The following PTPRD variants were observed in gnomAD, a reference collection of about 807,000 sequenced individuals.
PTPRD encodes the protein protein tyrosine phosphatase receptor type D.
In PTPRD, 34 loss-of-function variants were observed where a neutral mutation model predicts 214.5. The ratio of observed to expected loss-of-function variants is 0.16; its 90% CI spans 0.12 to 0.21. PTPRD has a LOEUF of 0.21. PTPRD is among the 10% of genes least tolerant of loss of function. The pLI is 1.00. For missense variants in PTPRD, 2,545 were observed against 2,398.7 expected, an observed-to-expected ratio of 1.06 and a Z score of -1.27; for synonymous variants, 1,128 against 845.7, an observed-to-expected ratio of 1.33 and a Z score of -5.79.
intron 5 of PTPRD, among the ~76,000 whole-genome samples, chr9:9,831,936 C>T (rs1042601029): frequency 2.6e-5 from 4 of 151,864 alleles, no homozygotes; most frequent in South Asian, 2.1e-4. Context: ...TGGACCCAAC[C>T]GCGAATCTCA....
chr9:9,484,321 T>C (rs146916306), intron 8 of PTPRD, among the ~76,000 whole-genome samples: 1 of 152,212 alleles, frequency 6.6e-6, no homozygotes, highest in African/African-American at 2.4e-5. Context: ...TATTTTAGGA[T>C]TCCAGTTATA....
chr9:9,925,399 G>A (rs567122614), intron 5 of PTPRD, among the ~76,000 whole-genome samples: 10 of 152,162 alleles, frequency 6.6e-5, no homozygotes, highest in African/African-American at 2.2e-4. Flanking sequence ...GGTGACTGCT[G>A]AATGTTTGGT....
intron 14 of PTPRD, among the ~76,000 whole-genome samples, chr9:8,568,619 T>C (rs988696624): frequency 6.6e-6 from 1 of 152,116 alleles, no homozygotes; most frequent in African/African-American, 2.4e-5. Context: ...ATGTGTCTGG[T>C]AGATTTAATT....
intron 8 of PTPRD, among the ~76,000 whole-genome samples, chr9:9,524,638 C>T (rs905667223): frequency 2.6e-5 from 4 of 152,150 alleles, no homozygotes; most frequent in Admixed American, 2.0e-4. Context: ...ATATTGGTCT[C>T]AGATCTATGA....
chr9:9,198,749 T>C lies in PTPRD; in HGVS notation c.-202-15386A>G, dbSNP rs2099940144. On this transcript the variant is annotated intron_variant, in intron 9 of 45. Coordinates refer to ENST00000381196, the MANE Select transcript of PTPRD (RefSeq NM_002839.4). Reference sequence around the variant, plus strand: ...CCTTATGATTCCCTTGGGTTAAGAGTGTCCATAATCAGTGTCTTACCTTAA... The same window carrying C: ...CCTTATGATTCCCTTGGGTTAAGAGCGTCCATAATCAGTGTCTTACCTTAA... Among the ~76,000 whole-genome samples the C allele has an allele frequency of 1.3e-5, 2 of 152,130 alleles. 1 individual carries two copies. The highest frequency in any genetic ancestry group is 4.1e-4 in the South Asian group (2 of 4,828).
chr9:8,589,048 A>T (rs1444676937), intron 14 of PTPRD, among the ~76,000 whole-genome samples: 1 of 152,246 alleles, frequency 6.6e-6, no homozygotes, highest in Non-Finnish European at 1.5e-5. Context: ...AACTAAAAAT[A>T]AATAGGAAAG....
intron 4 of PTPRD, among the ~76,000 whole-genome samples, chr9:9,943,621 G>C (rs2092024629): frequency 6.8e-6 from 1 of 146,318 alleles, no homozygotes; most frequent in Non-Finnish European, 1.5e-5. Flanking sequence ...GTTTGTGGCT[G>C]TTAGATGGCG....
chr9:8,806,127 G>A (rs2096674058), intron 11 of PTPRD, among the ~76,000 whole-genome samples: 1 of 151,410 alleles, frequency 6.6e-6, no homozygotes, highest in South Asian at 2.1e-4. Flanking sequence ...GTTTCATCAT[G>A]TTGGCCAGGC....
At chr9:10,547,136 T>A (rs189824097) in intron 2 of PTPRD, among the ~76,000 whole-genome samples, 12 of 152,202 alleles carry the variant, frequency 7.9e-5, no homozygotes, top group African/African-American at 2.2e-4. Flanking sequence ...CATACCTCAA[T>A]ATCAACAGAA....
intron 34 of PTPRD, among the ~76,000 whole-genome samples, chr9:8,440,084 A>C (rs1301978247): frequency 6.6e-6 from 1 of 151,376 alleles, no homozygotes; most frequent in African/African-American, 2.4e-5. Context: ...TGGGGGGCCT[A>C]TAACTCCATT....
chr9:9,407,670 T>C (rs1462142152), intron 8 of PTPRD, among the ~76,000 whole-genome samples: 1 of 151,814 alleles, frequency 6.6e-6, no homozygotes, highest in Non-Finnish European at 1.5e-5. Context: ...GTCTTCACGC[T>C]GCTAAGACTC....
chr9:8,457,877 A>G (rs2096262409), intron 33 of PTPRD, among the ~76,000 whole-genome samples: 1 of 152,116 alleles, frequency 6.6e-6, no homozygotes, highest in Admixed American at 6.6e-5. Flanking sequence ...GAGGGAATGG[A>G]CTATTTATTA....
intron 9 of PTPRD, among the ~76,000 whole-genome samples, chr9:9,184,552 T>C (rs1246433066): frequency 2.6e-5 from 4 of 152,200 alleles, no homozygotes; most frequent in Non-Finnish European, 5.9e-5. Context: ...ATTCGTCACC[T>C]CACCCTGACT....
intron 9 of PTPRD, among the ~76,000 whole-genome samples, chr9:9,227,260 C>T (rs1041652717): frequency 3.3e-5 from 5 of 152,070 alleles, no homozygotes; most frequent in African/African-American, 1.2e-4. Flanking sequence ...ATACACATCA[C>T]AACCCTTCTA....
At chr9:10,543,523 C>T (rs1458158109) in intron 2 of PTPRD, among the ~76,000 whole-genome samples, 1 of 145,462 alleles carries the variant, frequency 6.9e-6, no homozygotes, top group East Asian at 1.9e-4. Context: ...CACACACGTA[C>T]ACACACACAC....
At chr9:9,695,348 C>G (rs916052245) in intron 7 of PTPRD, among the ~76,000 whole-genome samples, 2 of 152,144 alleles carry the variant, frequency 1.3e-5, no homozygotes, top group South Asian at 2.1e-4. Flanking sequence ...TCACTCTCCT[C>G]TTTTTAAGCA....
chr9:8,345,004 A>G (rs967246265), intron 39 of PTPRD, among the ~76,000 whole-genome samples: 1 of 151,574 alleles, frequency 6.6e-6, no homozygotes, highest in Non-Finnish European at 1.5e-5. Flanking sequence ...AAGCAATGTA[A>G]TGCTGGGAAA....
chr9:9,358,291 C>A (rs927155001), intron 9 of PTPRD, among the ~76,000 whole-genome samples: 6 of 151,090 alleles, frequency 4.0e-5, no homozygotes, highest in Non-Finnish European at 7.4e-5. Flanking sequence ...ATGCTATTTG[C>A]TTATTACTTT....
chr9:8,478,327 C>A (rs1445753071), intron 30 of PTPRD, among the ~76,000 whole-genome samples: 1 of 152,138 alleles, frequency 6.6e-6, no homozygotes, highest in Non-Finnish European at 1.5e-5. Context: ...TATGAAGCAA[C>A]ACTGTAAGCC....
Sources: gnomAD v4.1 joint callset for allele counts (sites outside exome capture counted in the v4.1 genomes callset) on GRCh38, gnomAD v4.1.1 for gene constraint, MANE v1.5 for transcripts, NCBI Gene and HGNC (gene_info 2026-07-23, HGNC 2026-07-21) for gene names.